The following IARS1 variants were observed in gnomAD, a reference collection of about 807,000 sequenced individuals.
The protein encoded by IARS1 is isoleucine--tRNA ligase, cytoplasmic.
In IARS1, 124 loss-of-function variants were observed where a neutral mutation model predicts 168.2. The ratio of observed to expected loss-of-function variants is 0.74; its 90% CI spans 0.64 to 0.86. The LOEUF (loss-of-function observed/expected upper bound fraction) is 0.86. Among genes scored for constraint, IARS1 ranks in the 40% least tolerant of loss-of-function variants. IARS1 has a pLI of 0.00. For missense variants in IARS1, 1,452 were observed against 1,515.8 expected (o/e 0.96, Z 0.70); for synonymous variants, 532 against 529.4 (o/e 1.00, Z -0.07).
chr9:92,274,583 G>A, intron 9 of IARS1, 62 bp from the exon 10 acceptor site: 1 of 1,195,196 alleles, frequency 8.4e-7, no homozygotes, highest in Non-Finnish European at 1.2e-6. Flanking sequence ...CGTTAACTTT[G>A]TAACAGTTTT....
At chr9:92,243,583 ATCAGAG>A in intron 27 of IARS1, 1 of 282,280 alleles carries the variant, frequency 3.5e-6, no homozygotes, top group Non-Finnish European at 6.8e-6. Context: ...ACCACCTCTT[ATCAGAG>A]TCCCTCACAT....
In IARS1 at chr9:92,250,759, C is replaced by T; in HGVS notation, c.2383G>A (p.Asp795Asn). 6.2e-7 allele frequency: 1 copy of T among 1,613,640 alleles called. No individual in the cohort carries two copies. Among genetic ancestry groups the T allele is most frequent in the Non-Finnish European group, 8.5e-7 (1 of 1,179,816 alleles). ...KVLIDPVSVQ[D>N]KDTLSIHYLM... The stretch of plus-strand genomic sequence containing the variant: ...TAGTGAATGCTGAGTGTGTCCTTGT[C>T]CTGAACAGAAACAGGGTCAATCAGC... The change falls in exon 23 of 34, where the codon GAC (aspartate) becomes AAC (asparagine). Residue 795 changes from aspartate (D) to asparagine (N), a missense_variant. Coordinates refer to ENST00000443024, the MANE Select transcript of IARS1 (RefSeq NM_002161.6).
intron 1 of IARS1, 66 bp downstream of exon 1, chr9:92,293,545 G>A (rs1347586232): frequency 3.9e-6 from 2 of 508,056 alleles, no homozygotes; most frequent in Non-Finnish European, 8.0e-6. Flanking sequence ...CTACTGTTTC[G>A]GGGTTGTAAC....
chr9:92,272,876 A>C (rs796716241), intron 10 of IARS1, among the ~76,000 whole-genome samples: 6,392 of 149,332 alleles, frequency 0.043, 186 homozygotes, highest in South Asian at 0.079. Context: ...AAAAAAAAAA[A>C]AAAAAAAAAA....
chr9:92,230,504 C>G (rs544796637), intron 30 of IARS1, among the ~76,000 whole-genome samples: 9 of 152,182 alleles, frequency 5.9e-5, no homozygotes, highest in African/African-American at 2.2e-4. Flanking sequence ...GATATGTACC[C>G]CAGTTTGCTT....
At chr9:92,216,340 G>C (rs373822626) in intron 33 of IARS1, among the ~76,000 whole-genome samples, 5,167 of 150,894 alleles carry the variant, frequency 0.034, 108 homozygotes, top group South Asian at 0.072. Flanking sequence ...AAAGACCATC[G>C]AGACTAGGAA....
At chr9:92,286,741 A>G (rs1386684060) in intron 4 of IARS1, 123 bp from the exon 5 acceptor site, 6 of 570,210 alleles carry the variant, frequency 1.1e-5, no homozygotes, top group Non-Finnish European at 1.9e-5. Context: ...TCAATGGTAC[A>G]AGTAAATCTA....
chr9:92,272,150 A>G (rs557559565), intron 10 of IARS1, among the ~76,000 whole-genome samples: 1 of 152,260 alleles, frequency 6.6e-6, no homozygotes, highest in Non-Finnish European at 1.5e-5. Context: ...ATTCAAAACC[A>G]AACAGCCTGG....
At chr9:92,251,399 G>A (rs927451852) in intron 22 of IARS1, among the ~76,000 whole-genome samples, 3 of 152,074 alleles carry the variant, frequency 2.0e-5, no homozygotes, top group African/African-American at 7.2e-5. Flanking sequence ...TTACTTGCAC[G>A]TTTTCCTCTC....
At chr9:92,292,181 C>CTTTTT (rs57075703) in intron 1 of IARS1, among the ~76,000 whole-genome samples, 2 of 118,052 alleles carry the variant, frequency 1.7e-5, no homozygotes, top group Non-Finnish European at 3.5e-5. Flanking sequence ...CCACACTCAG[C>CTTTTT]TTTTTTTTTT....
At chr9:92,289,227 AG>A in intron 2 of IARS1, 73 bp downstream of exon 2, 7 of 609,288 alleles carry the variant, frequency 1.1e-5, no homozygotes, top group South Asian at 6.0e-5. Flanking sequence ...AAAAAAAAAA[AG>A]TATCTGCTTT....
intron 28 of IARS1, 106 bp from the exon 29 acceptor site, chr9:92,242,436 C>T (rs1191825277): frequency 4.8e-6 from 4 of 828,964 alleles, no homozygotes; most frequent in African/African-American, 1.7e-5. Context: ...TGAATCATCA[C>T]AGAAGGGCAG....
At chr9:92,215,606 C>G (rs1260390655) in intron 33 of IARS1, among the ~76,000 whole-genome samples, 1 of 151,612 alleles carries the variant, frequency 6.6e-6, no homozygotes, top group African/African-American at 2.4e-5. Flanking sequence ...AACCAAGGCT[C>G]GAGAACTACG....
At chr9:92,265,649 G>T in intron 14 of IARS1, 96 bp from the exon 15 acceptor site, 1 of 987,574 alleles carries the variant, frequency 1.0e-6, no homozygotes. Context: ...TTGAGAGACT[G>T]ATGATTTTCT....
At position 92,265,533 on chromosome 9, in the gene IARS1, C is replaced by A. The variant is rs1452897388; in HGVS notation, c.1452G>T (p.Val484=). 3 of 1,614,096 alleles carry A rather than the reference C, an allele frequency of 1.9e-6. No individual in the cohort carries two copies. In the Admixed American group the frequency reaches 5.0e-5, roughly 27 times the overall value. ...DFEEVVCIGS[V]AELEELSGAK... is the part of the protein sequence containing the mutation. ...CTCCTGACAGTTCTTCAAGTTCCGC[C>A]ACTGACCCAATGCATACCACCTGTC... Residue 484 remains valine, a synonymous_variant, in exon 15 of 34, where the codon GTG becomes GTT. Coordinates refer to ENST00000443024, the MANE Select transcript of IARS1 (RefSeq NM_002161.6).
chr9:92,263,176 A>G (rs1347258862), intron 16 of IARS1, 121 bp from the exon 17 acceptor site: 2 of 675,736 alleles, frequency 3.0e-6, no homozygotes, highest in Non-Finnish European at 5.2e-6. Context: ...GAATCACTTA[A>G]AGCAATGATT....
chr9:92,236,114 G>A (rs538042520), intron 30 of IARS1, among the ~76,000 whole-genome samples: 9 of 152,010 alleles, frequency 5.9e-5, no homozygotes, highest in Non-Finnish European at 1.0e-4. Flanking sequence ...TCCCGAGTAG[G>A]CTGAGATTAC....
At chr9:92,271,119 A>T in intron 11 of IARS1, 43 bp from the exon 12 acceptor site, 2 of 1,213,794 alleles carry the variant, frequency 1.6e-6, no homozygotes, top group Non-Finnish European at 2.4e-6. Context: ...ACATACTATA[A>T]TACTTAGGAA....
intron 30 of IARS1, among the ~76,000 whole-genome samples, chr9:92,233,163 C>T (rs1826977194): frequency 6.6e-6 from 1 of 152,226 alleles, no homozygotes; most frequent in Non-Finnish European, 1.5e-5. Flanking sequence ...GTTTAACCTT[C>T]TTTAACTTGT....
Sources: gnomAD v4.1 joint callset for allele counts (sites outside exome capture counted in the v4.1 genomes callset) on GRCh38, gnomAD v4.1.1 for gene constraint, MANE v1.5 for transcripts, NCBI Gene and HGNC (gene_info 2026-07-23, HGNC 2026-07-21) for gene names.